ITGA1: variants seen among roughly 807,000 people sequenced by gnomAD.
ITGA1 encodes integrin alpha-1.
In ITGA1, 85 loss-of-function variants were observed where a neutral mutation model predicts 145.9. The observed-to-expected ratio is 0.58, with a 90% CI of 0.49 to 0.70. ITGA1 has a LOEUF of 0.70. ITGA1 is among the 30% of genes least tolerant of loss of function. ITGA1 has a pLI of 0.00. For missense variants in ITGA1, 1,351 were observed against 1,418.7 expected, an observed-to-expected ratio of 0.95 and a Z score of 0.77; for synonymous variants, 520 against 495.3, an observed-to-expected ratio of 1.05 and a Z score of -0.66.
Position 52,925,443 on chromosome 5 carries a change from A to T in ITGA1, c.2569A>T (p.Thr857Ser). The change falls in exon 19 of 29, where the codon ACA (threonine) becomes TCA (serine). Residue 857 changes from threonine to serine, a missense_variant. Physicochemically the swap from Thr to Ser is moderately conservative, Grantham distance 58. Transcript: ENST00000282588. ...AAAGGACAGTGCCTATAACACCAGG[A>T]CAATAGTGCATTATTCTCCAAATCT... ...NTKDSAYNTR[T>S]IVHYSPNLVF... The T allele has an allele frequency of 6.2e-7, 1 of 1,614,074 alleles. No individual in the cohort carries two copies. The highest frequency in any genetic ancestry group is 8.5e-7 in the Non-Finnish European group (1 of 1,179,916).
At chr5:52,833,443 A>G (rs1561222019) in intron 1 of ITGA1, among the ~76,000 whole-genome samples, 3 of 152,192 alleles carry the variant, frequency 2.0e-5, no homozygotes, top group African/African-American at 7.2e-5. Flanking sequence ...ATATGATTGT[A>G]TTATGGGTTC....
intron 1 of ITGA1, among the ~76,000 whole-genome samples, chr5:52,791,047 C>T (rs1474836855): frequency 6.6e-6 from 1 of 152,186 alleles, no homozygotes; most frequent in Non-Finnish European, 1.5e-5. Context: ...CCACCAGCAT[C>T]CCAATAAACT....
intron 6 of ITGA1, among the ~76,000 whole-genome samples, chr5:52,877,400 C>T (rs1749885107): frequency 6.6e-6 from 1 of 152,056 alleles, no homozygotes. Context: ...AGTCGGGCTC[C>T]AACACCAGAT....
intron 1 of ITGA1, among the ~76,000 whole-genome samples, chr5:52,804,642 T>C (rs1480059334): frequency 5.9e-5 from 9 of 152,202 alleles, no homozygotes; most frequent in Non-Finnish European, 1.3e-4. Context: ...AAGTTACTAA[T>C]TCTGCAATTC....
At position 52,861,514 on chromosome 5, in the gene ITGA1, G is replaced by T; in HGVS notation, c.250G>T (p.Val84Phe). 6.2e-7 allele frequency: 1 copy of T among 1,613,844 alleles called. No individual in the cohort carries two copies. The highest frequency in any genetic ancestry group is 8.5e-7 in the Non-Finnish European group (1 of 1,179,804). The stretch of plus-strand genomic sequence containing the variant: ...AACTGGAGATGTCTATAAGTGTCCA[G>T]TTGGGAGAGGTGAATCATTACCTTG... Reference protein sequence around the residue: ...NRTGDVYKCPVGRGESLPCVK... With the variant: ...NRTGDVYKCPFGRGESLPCVK... The change falls in exon 3 of 29, where the codon GTT becomes TTT. Residue 84 changes from valine (V) to phenylalanine (F), a missense_variant. By Grantham distance (50) the Val-to-Phe change is conservative. Coordinates refer to ENST00000282588, the MANE Select transcript of ITGA1 (RefSeq NM_181501.2).
intron 17 of ITGA1, among the ~76,000 whole-genome samples, chr5:52,920,780 CATTT>C (rs1371829654): frequency 9.9e-5 from 15 of 152,206 alleles, no homozygotes; most frequent in African/African-American, 3.6e-4. Flanking sequence ...TTCACTCATT[CATTT>C]ATTCCTTCAA....
chr5:52,803,644 T>C (rs1748532209), intron 1 of ITGA1: 1 of 152,206 alleles, frequency 6.6e-6, no homozygotes, highest in African/African-American at 2.4e-5. Flanking sequence ...AATGTTTTTT[T>C]TAAAGCTACC....
rs922209829 is a variant in ITGA1 at position 52,955,350 on chromosome 5, TAGATA to T, written c.*2900_*2904del. On this transcript the variant is annotated 3_prime_UTR_variant, in exon 29 of 29. Coordinates refer to ENST00000282588, the MANE Select transcript of ITGA1 (RefSeq NM_181501.2). Reference sequence around the variant, plus strand: ...TGAGACAGATTACACGATAGACAGATAGATAGATAGATAGATAGATAGATAGATAG... The same window carrying T: ...TGAGACAGATTACACGATAGACAGATGATAGATAGATAGATAGATAGATAG... 9 of 5,040 alleles carry T rather than the reference TAGATA, an allele frequency of 1.8e-3. No homozygotes were observed. The highest frequency in any genetic ancestry group is 3.7e-3 in the East Asian group (1 of 272). The allele number at this position is 5,040 out of a possible 1,614,324, so 0.3% of individuals were successfully genotyped here.
intron 15 of ITGA1, among the ~76,000 whole-genome samples, chr5:52,916,995 G>A (rs1750657858): frequency 1.3e-5 from 2 of 152,094 alleles, no homozygotes; most frequent in Non-Finnish European, 2.9e-5. Flanking sequence ...CATAGTCCAG[G>A]CTCCACTGAC....
At position 52,817,039 on chromosome 5, in the gene ITGA1, T is replaced by A. The variant is rs13436182; in HGVS notation, c.61+28625T>A. The stretch of plus-strand genomic sequence containing the variant: ...TTTGTCAGTTTAGAATCAATTTAGA[T>A]CAGTTTAAAACCATTCAAACTTGAC... On this transcript the variant is annotated intron_variant, in intron 1 of 28. Coordinates refer to ENST00000282588, the MANE Select transcript of ITGA1 (RefSeq NM_181501.2). 6.7e-3 allele frequency among the ~76,000 whole-genome samples: 1,020 copies of A among 152,318 alleles called. 12 individuals are homozygous for A. The highest frequency in any genetic ancestry group is 0.023 in the African/African-American group (969 of 41,576).
At position 52,952,463 on chromosome 5, in the gene ITGA1, A is replaced by G. The variant is rs1751236593; in HGVS notation, c.*12A>G. On this transcript the variant is annotated 3_prime_UTR_variant, in exon 29 of 29. Coordinates refer to ENST00000282588, the MANE Select transcript of ITGA1 (RefSeq NM_181501.2). ...AAATGGAGAAATGAAATATTTTATG[A>G]AAGAAAATAATAACAATTATTCAAT... 4.3e-6 allele frequency: 5 copies of G among 1,165,248 alleles called. No individual in the cohort carries two copies. In the African/African-American group the frequency reaches 4.7e-5, roughly 11 times the overall value. 72.2% of individuals were successfully genotyped at this position (1,165,248 alleles called of 1,614,324 possible).
intron 2 of ITGA1, among the ~76,000 whole-genome samples, chr5:52,859,536 GT>G (rs1749565258): frequency 6.6e-6 from 1 of 152,068 alleles, no homozygotes; most frequent in Non-Finnish European, 1.5e-5. Context: ...ATTTACAATT[GT>G]TTTATAAAAT....
intron 7 of ITGA1, chr5:52,882,801 C>T (rs904097273): frequency 6.6e-6 from 1 of 152,118 alleles, no homozygotes; most frequent in African/African-American, 2.4e-5. Flanking sequence ...ACAAAAATCA[C>T]AGGAAATGTA....
intron 8 of ITGA1, among the ~76,000 whole-genome samples, chr5:52,891,907 G>C (rs111680369): frequency 0.015 from 2,230 of 151,996 alleles, 51 homozygotes; most frequent in African/African-American, 0.051. Flanking sequence ...ATTAAAAACA[G>C]TTTTAACATA....
chr5:52,910,172 A>G lies in ITGA1; in HGVS notation c.1610A>G (p.Glu537Gly). The change falls in exon 14 of 29, where the codon GAA becomes GGA. Residue 537 changes from glutamate (E) to glycine (G), a missense_variant. Glu to Gly is a moderately conservative substitution (Grantham distance 98). Transcript: ENST00000282588. ...TTATCTTTCTTCCAGACAAGGTTTG[A>G]ATATCAAATGAGCCTGGAACCTATT... ...YVYALNQTRF[E>G]YQMSLEPIKQ... 3 of 1,603,812 alleles carry G rather than the reference A, an allele frequency of 1.9e-6. No individual in the cohort carries two copies. Among genetic ancestry groups the G allele is most frequent in the Non-Finnish European group, 2.6e-6 (3 of 1,171,444 alleles).
At chr5:52,893,565 T>C in intron 8 of ITGA1, 110 bp from the exon 9 acceptor site, 1 of 879,354 alleles carries the variant, frequency 1.1e-6, no homozygotes, top group Non-Finnish European at 1.6e-6. Flanking sequence ...ACATAAAAAT[T>C]CCATTATGCT....
intron 14 of ITGA1, among the ~76,000 whole-genome samples, chr5:52,911,517 GTA>G (rs1200973650): frequency 1.8e-5 from 2 of 110,188 alleles, no homozygotes; most frequent in African/African-American, 6.7e-5. Context: ...ACTATATATA[GTA>G]TATATATCTA....
At chr5:52,807,573 T>A (rs996248791) in intron 1 of ITGA1, among the ~76,000 whole-genome samples, 2 of 152,100 alleles carry the variant, frequency 1.3e-5, no homozygotes, top group African/African-American at 2.4e-5. Flanking sequence ...AAAATAAAAA[T>A]AAATTATTTG....
At chr5:52,910,539 G>A (rs1300177932) in intron 14 of ITGA1, 120 bp downstream of exon 14, 6 of 1,063,280 alleles carry the variant, frequency 5.6e-6, no homozygotes, top group African/African-American at 1.6e-5. Flanking sequence ...TGGGAAACTG[G>A]ATTTAATTCT....
Sources: gnomAD v4.1 joint callset for allele counts (sites outside exome capture counted in the v4.1 genomes callset) on GRCh38, gnomAD v4.1.1 for gene constraint, MANE v1.5 for transcripts, NCBI Gene and HGNC (gene_info 2026-07-23, HGNC 2026-07-21) for gene names.